IZUMO1R: variants seen among roughly 807,000 people sequenced by gnomAD.
IZUMO1R encodes IZUMO1 receptor, JUNO, also known as sperm-egg fusion protein Juno.
In IZUMO1R, 24 loss-of-function variants were observed where a neutral mutation model predicts 22.1. That is an observed-to-expected ratio of 1.09 (90% CI 0.79 to 1.53). IZUMO1R has a LOEUF of 1.53. Among genes scored for constraint, IZUMO1R ranks in the 40% most tolerant of loss-of-function variants. The pLI is 0.00. For missense variants in IZUMO1R, 308 were observed against 314.9 expected (o/e 0.98, Z 0.17); for synonymous variants, 133 against 121.2 (o/e 1.10, Z -0.64).
rs775716185 is a variant in IZUMO1R, at chr11:94,306,631, G to T, written c.257G>T (p.Cys86Phe). 6.8e-6 allele frequency: 11 copies of T among 1,614,014 alleles called. No individual in the cohort carries two copies. The South Asian group carries it at 1.1e-4, about 16-fold the overall frequency. The change falls in exon 3 of 5, where the codon TGT becomes TTT. Residue 86 changes from cysteine (C) to phenylalanine (F), a missense_variant. Transcript: ENST00000687084. ...LFHCGLLMPG[C>F]RKHFIQAICF... is the part of the protein sequence containing the mutation. ...CACTGTGGACTGCTGATGCCTGGCT[G>T]TCGGAAGCACTTCATCCAGGCTATC... is the stretch of plus-strand genomic sequence containing the variant.
At position 94,306,119 on chromosome 11, in the gene IZUMO1R, C is replaced by T. The variant is rs147972016; in HGVS notation, c.138+345C>T. Among the ~76,000 whole-genome samples the T allele has an allele frequency of 2.2e-3, 334 of 151,914 alleles. 3 individuals carry two copies. Among genetic ancestry groups the T allele is most frequent in the Non-Finnish European group, 3.4e-3 (233 of 67,964 alleles). On this transcript the variant is annotated intron_variant, in intron 2 of 4. Coordinates refer to ENST00000687084, the MANE Select transcript of IZUMO1R (RefSeq NM_001199206.4). ...CTCCCCAAGCTCCTAAAGGCAATTT[C>T]CAGGGATATGGGAGGAAGAACACAG...
rs1280788975 is a variant in IZUMO1R at position 94,305,643 on chromosome 11, T to C, written c.7T>C (p.Cys3Arg). Residue 3 changes from cysteine (C) to arginine (R), a missense_variant, in exon 2 of 5, where the codon TGC becomes CGC. Cys to Arg is a radical substitution (Grantham distance 180). Coordinates refer to ENST00000687084, the MANE Select transcript of IZUMO1R (RefSeq NM_001199206.4). ...GGTCTCTCTGTAGCAGGCCATGGCATGCTGGTGGCCGCTCCTGCTAGAGCT... is the reference window on the plus strand; with the variant it reads ...GGTCTCTCTGTAGCAGGCCATGGCACGCTGGTGGCCGCTCCTGCTAGAGCT... MA[C>R]WWPLLLELWT... 3 of 1,612,932 alleles carry C rather than the reference T, an allele frequency of 1.9e-6. No homozygotes were observed. The highest frequency in any genetic ancestry group is 1.3e-5 in the African/African-American group (1 of 74,908).
chr11:94,306,156 C>A (rs1374272925), intron 2 of IZUMO1R, among the ~76,000 whole-genome samples: 1 of 151,910 alleles, frequency 6.6e-6, no homozygotes, highest in African/African-American at 2.4e-5. Flanking sequence ...TGGCATTTGG[C>A]CTATGAGACC....
chr11:94,304,731 T>G lies in IZUMO1R; in HGVS notation c.-155T>G, dbSNP rs910881584. On this transcript the variant is annotated 5_prime_UTR_variant, in exon 1 of 5. Transcript: ENST00000687084. ...AGAGCTGGGTGAGACAGATGCTGTTTAATGAGAGCCACGTGGAGTTCTCCT... is the reference window on the plus strand; with the variant it reads ...AGAGCTGGGTGAGACAGATGCTGTTGAATGAGAGCCACGTGGAGTTCTCCT... 2.0e-5 allele frequency among the ~76,000 whole-genome samples: 3 copies of G among 152,082 alleles called. No individual in the cohort carries two copies. The highest frequency in any genetic ancestry group is 7.2e-5 in the African/African-American group (3 of 41,424).
chr11:94,307,075 A>T, intron 3 of IZUMO1R, 90 bp from the exon 4 acceptor site: 1 of 1,407,240 alleles, frequency 7.1e-7, no homozygotes, highest in Non-Finnish European at 9.7e-7. Flanking sequence ...TGATGTACAT[A>T]TGGTACCTGG....
rs377369966 is a variant in IZUMO1R at position 94,306,730 on chromosome 11, G to T, written c.348+8G>T. The T allele has an allele frequency of 1.2e-5, 20 of 1,613,276 alleles. No homozygotes were observed. In the East Asian group the frequency reaches 3.8e-4, roughly 31 times the overall value. Reference sequence around the variant, plus strand: ...GGAAGCCTGGGGTGGGAGGTAGGAAGCAGATCTGTGCCATGCCCTGTTATT... The same window carrying T: ...GGAAGCCTGGGGTGGGAGGTAGGAATCAGATCTGTGCCATGCCCTGTTATT... On this transcript the variant is annotated splice_region_variant and intron_variant, in intron 3 of 4. Transcript: ENST00000687084.
Position 94,307,470 on chromosome 11 carries a change from T to G in IZUMO1R, c.531T>G (p.His177Gln), listed in dbSNP as rs76779571. Residue 177 changes from histidine (H) to glutamine (Q), a missense_variant, in exon 5 of 5, where the codon CAT (histidine) becomes CAG (glutamine). By Grantham distance (24) the His-to-Gln change is conservative. Coordinates refer to ENST00000687084, the MANE Select transcript of IZUMO1R (RefSeq NM_001199206.4). Reference sequence around the variant, plus strand: ...GGGCCCAGTGCCTCCCTTTCTCCCATTACTTCCCCACCCCAGCTGACCTGT... The same window carrying G: ...GGGCCCAGTGCCTCCCTTTCTCCCAGTACTTCCCCACCCCAGCTGACCTGT... The part of the protein sequence containing the change: ...PKGAQCLPFS[H>Q]YFPTPADLCE... 3,349 of 1,613,902 alleles carry G rather than the reference T, an allele frequency of 2.1e-3. 69 individuals carry two copies. The East Asian group carries it at 0.044, about 21-fold the overall frequency.
rs1463476076 is a variant in IZUMO1R, at chr11:94,307,415, C to A, written c.485-9C>A. On this transcript the variant is annotated splice_polypyrimidine_tract_variant and intron_variant, in intron 4 of 4. Coordinates refer to ENST00000687084, the MANE Select transcript of IZUMO1R (RefSeq NM_001199206.4). ...AGGAGGTAAGCTGTCCCTCCTCCAT[C>A]CCCTGCAGGGAAGAACCGCTGCCCC... The A allele has an allele frequency of 1.2e-6, 2 of 1,613,680 alleles. No individual in the cohort carries two copies. The highest frequency in any genetic ancestry group is 1.7e-6 in the Non-Finnish European group (2 of 1,179,718).
rs1022962872 is a variant in IZUMO1R, at chr11:94,304,774, T to C, written c.-112T>C. 3.9e-5 allele frequency among the ~76,000 whole-genome samples: 6 copies of C among 152,028 alleles called. No individual in the cohort carries two copies. The highest frequency in any genetic ancestry group is 5.9e-5 in the Non-Finnish European group (4 of 68,010). The stretch of plus-strand genomic sequence containing the variant: ...GTTCTCCTCCTGCACCTGGACCTAG[T>C]AGAAATCAGACTGGGTAATAAATGG... On this transcript the variant is annotated 5_prime_UTR_variant, in exon 1 of 5. Transcript: ENST00000687084.
Position 94,307,820 on chromosome 11 carries a change from C to T in IZUMO1R, c.*128C>T. 5.0e-6 allele frequency: 1 copy of T among 199,826 alleles called. No homozygotes were observed. The highest frequency in any genetic ancestry group is 1.2e-4 in the Admixed American group (1 of 8,186). The allele number at this position is 199,826 out of a possible 1,614,324, so 12.4% of individuals were successfully genotyped here. ...CATGGGCTAGGGACTGCAGTCCCAC[C>T]CAGTCTAGCCCATGCCACTGCTTTT... On this transcript the variant is annotated 3_prime_UTR_variant, in exon 5 of 5. Transcript: ENST00000687084.
chr11:94,307,522 A>C lies in IZUMO1R; in HGVS notation c.583A>C (p.Lys195Gln). ...TGAGAAGACTTGGAGCAATTCCTTCAAAGCCAGCCCTGAGCGACGGAACAG... is the reference window on the plus strand; with the variant it reads ...TGAGAAGACTTGGAGCAATTCCTTCCAAGCCAGCCCTGAGCGACGGAACAG... ...LCEKTWSNSF[K>Q]ASPERRNSGR... The change falls in exon 5 of 5, where the codon AAA becomes CAA. Residue 195 changes from lysine to glutamine, a missense_variant. Coordinates refer to ENST00000687084, the MANE Select transcript of IZUMO1R (RefSeq NM_001199206.4). The C allele has an allele frequency of 6.2e-7, 1 of 1,613,734 alleles. No individual in the cohort carries two copies. The highest frequency in any genetic ancestry group is 1.3e-5 in the African/African-American group (1 of 75,064).
rs753206343 is a variant in IZUMO1R at position 94,307,301 on chromosome 11, G to A, written c.484+1G>A. ...CGTGGTGGCTGGGACTGGAGTCAGGGTGAGTGGTGCTGACAAGGCCTTGGT... is the reference window on the plus strand; with the variant it reads ...CGTGGTGGCTGGGACTGGAGTCAGGATGAGTGGTGCTGACAAGGCCTTGGT... On this transcript the variant is annotated splice_donor_variant, in intron 4 of 4. Coordinates refer to ENST00000687084, the MANE Select transcript of IZUMO1R (RefSeq NM_001199206.4). LOFTEE classifies it high-confidence loss of function. 92 of 1,612,992 alleles carry A rather than the reference G, an allele frequency of 5.7e-5. No individual in the cohort carries two copies. Among genetic ancestry groups the A allele is most frequent in the Non-Finnish European group, 7.0e-5 (82 of 1,179,542 alleles).
In IZUMO1R at chr11:94,305,784, C is replaced by T. The variant is rs1030890002; in HGVS notation, c.138+10C>T. On this transcript the variant is annotated intron_variant, in intron 2 of 4. Transcript: ENST00000687084. ...CAAGCTCTATGAGGAGGTACAGAGG[C>T]CAGACCTGGGTATGGGATGGGGAAG... The T allele has an allele frequency of 1.8e-5, 29 of 1,612,618 alleles. No homozygotes were observed. Among genetic ancestry groups the T allele is most frequent in the Non-Finnish European group, 2.3e-5 (27 of 1,179,488 alleles).
At position 94,307,228 on chromosome 11, in the gene IZUMO1R, G is replaced by A. The variant is rs1172931721; in HGVS notation, c.412G>A (p.Glu138Lys). 1.2e-6 allele frequency: 2 copies of A among 1,607,922 alleles called. No homozygotes were observed. Among genetic ancestry groups the A allele is most frequent in the Non-Finnish European group, 1.7e-6 (2 of 1,177,280 alleles). Reference sequence around the variant, plus strand: ...GCCGCTGTGCCAGGAGGACTGTGAGGAGTGGTGGGAAGACTGTCGCATGTC... The same window carrying A: ...GCCGCTGTGCCAGGAGGACTGTGAGAAGTGGTGGGAAGACTGTCGCATGTC... ...NVPLCQEDCE[E>K]WWEDCRMSYT... is the part of the protein sequence containing the mutation. Residue 138 changes from glutamate (E) to lysine (K), a missense_variant, in exon 4 of 5, where the codon GAG becomes AAG. Coordinates refer to ENST00000687084, the MANE Select transcript of IZUMO1R (RefSeq NM_001199206.4).
At chr11:94,305,585 G>A (rs1591571935) in intron 1 of IZUMO1R, 46 bp from the exon 2 acceptor site, 3 of 1,603,330 alleles carry the variant, frequency 1.9e-6, no homozygotes, top group Non-Finnish European at 2.6e-6. Context: ...AGGGGGTGGA[G>A]TGGGGTGTCA....
At position 94,305,388 on chromosome 11, in the gene IZUMO1R, G is replaced by A. The variant is rs111700322; in HGVS notation, c.-6-243G>A. 1.4e-4 allele frequency among the ~76,000 whole-genome samples: 21 copies of A among 152,266 alleles called. 1 individual carries two copies. Among genetic ancestry groups the A allele is most frequent in the African/African-American group, 5.1e-4 (21 of 41,548 alleles). On this transcript the variant is annotated intron_variant, in intron 1 of 4. Transcript: ENST00000687084. ...GCTCCTCCTATCTGACTCATGCCTC[G>A]GCATGCCCCTGGCTCTGCAGGGCCA...
chr11:94,307,644 G>A lies in IZUMO1R; in HGVS notation c.705G>A (p.Leu235=), dbSNP rs759047368. Residue 235 remains leucine, a synonymous_variant, in exon 5 of 5, where the codon CTG becomes CTA. Transcript: ENST00000687084. The part of the protein sequence containing the change: ...LFASSAPSWE[L]SYTIMVCSLF... Reference sequence around the variant, plus strand: ...CCAGCTCTGCCCCATCCTGGGAACTGTCCTACACCATCATGGTCTGCTCCC... The same window carrying A: ...CCAGCTCTGCCCCATCCTGGGAACTATCCTACACCATCATGGTCTGCTCCC... 3.1e-6 allele frequency: 5 copies of A among 1,613,846 alleles called. No individual in the cohort carries two copies. Among genetic ancestry groups the A allele is most frequent in the Non-Finnish European group, 4.2e-6 (5 of 1,179,806 alleles).
chr11:94,305,796 A>G lies in IZUMO1R; in HGVS notation c.138+22A>G, dbSNP rs1472725320. ...GGAGGTACAGAGGCCAGACCTGGGT[A>G]TGGGATGGGGAAGATCAGGGAAGGG... On this transcript the variant is annotated intron_variant, in intron 2 of 4. Transcript: ENST00000687084. The G allele has an allele frequency of 1.9e-6, 3 of 1,611,616 alleles. No individual in the cohort carries two copies. In the African/African-American group the frequency reaches 4.0e-5, roughly 22 times the overall value.
Position 94,307,749 on chromosome 11 carries a change from G to A in IZUMO1R, c.*57G>A. 6.4e-7 allele frequency: 1 copy of A among 1,568,098 alleles called. No individual in the cohort carries two copies. The highest frequency in any genetic ancestry group is 1.4e-5 in the African/African-American group (1 of 73,798). ...TGTCCACCAACTGTGGGTCAGGCCA[G>A]GCCATGGCCTACCTCCTTCCTCAGG... is the stretch of plus-strand genomic sequence containing the variant. On this transcript the variant is annotated 3_prime_UTR_variant, in exon 5 of 5. Coordinates refer to ENST00000687084, the MANE Select transcript of IZUMO1R (RefSeq NM_001199206.4).
Sources: allele counts gnomAD v4.1 joint callset (sites outside exome capture counted in the v4.1 genomes callset), GRCh38; gene constraint gnomAD v4.1.1; transcripts MANE v1.5; gene names NCBI Gene and HGNC (gene_info 2026-07-23, HGNC 2026-07-21).